Variants in TRPM7 observed in about 807,000 individuals in gnomAD.
TRPM7 encodes transient receptor potential cation channel subfamily M member 7, also known as LTRPC ion channel family member 7.
A neutral mutation model predicts 229.7 loss-of-function variants in TRPM7; 134 were observed. The ratio of observed to expected loss-of-function variants is 0.58; its 90% CI spans 0.51 to 0.67. The LOEUF (loss-of-function observed/expected upper bound fraction) is 0.67, where lower values mean the gene tolerates loss of function less well. Among genes scored for constraint, TRPM7 ranks in the 30% least tolerant of loss-of-function variants. The pLI is 0.00. For missense variants in TRPM7, 1,901 were observed against 2,210.0 expected (o/e 0.86, Z 2.80); for synonymous variants, 699 against 715.2 (o/e 0.98, Z 0.36).
intron 1 of TRPM7, among the ~76,000 whole-genome samples, chr15:50,670,921 C>T (rs2061974741): frequency 6.6e-6 from 1 of 151,804 alleles, no homozygotes; most frequent in South Asian, 2.1e-4. Flanking sequence ...TGCCTGTAAT[C>T]TTAGCAGTCT....
At chr15:50,666,273 C>G (rs923302254) in intron 1 of TRPM7, among the ~76,000 whole-genome samples, 6 of 150,436 alleles carry the variant, frequency 4.0e-5, no homozygotes, top group Admixed American at 6.6e-5. Flanking sequence ...CCCATCTCTA[C>G]GAAAAATACA....
intron 20 of TRPM7, among the ~76,000 whole-genome samples, chr15:50,605,526 A>C (rs553378931): frequency 6.6e-6 from 1 of 152,360 alleles, no homozygotes; most frequent in Non-Finnish European, 1.5e-5. Context: ...CAATGGTTTA[A>C]GTAGCTGTAT....
At chr15:50,587,267 G>C (rs180836985) in intron 27 of TRPM7, among the ~76,000 whole-genome samples, 1 of 151,884 alleles carries the variant, frequency 6.6e-6, no homozygotes, top group Non-Finnish European at 1.5e-5. Context: ...TCACTATTTT[G>C]TCAGATTTCA....
intron 8 of TRPM7, among the ~76,000 whole-genome samples, chr15:50,633,555 T>A (rs375412688): frequency 9.8e-5 from 15 of 152,288 alleles, no homozygotes; most frequent in East Asian, 7.7e-4. Context: ...CTCCTTTTAT[T>A]CTATATAAAA....
Position 50,614,664 on chromosome 15 carries a change from CAA to C in TRPM7, c.1495-403_1495-402del, listed in dbSNP as rs59336476. 1.6e-3 allele frequency among the ~76,000 whole-genome samples: 148 copies of C among 92,642 alleles called. 2 individuals carry two copies. The highest frequency in any genetic ancestry group is 6.5e-3 in the African/African-American group (135 of 20,722). The allele number at this position is 92,642 out of a possible 152,430, so 60.8% of individuals were successfully genotyped here. ...TGGGAGACAGAGCAAGACTTGGTCTCAAAAAAAAAAAAAAAAAAAAAAAAAAG... is the reference window on the plus strand; with the variant it reads ...TGGGAGACAGAGCAAGACTTGGTCTCAAAAAAAAAAAAAAAAAAAAAAAAG... On this transcript the variant is annotated intron_variant, in intron 13 of 38. Transcript: ENST00000646667.
At chr15:50,629,474 A>C (rs1265380489) in intron 10 of TRPM7, among the ~76,000 whole-genome samples, 1 of 149,244 alleles carries the variant, frequency 6.7e-6, no homozygotes, top group Non-Finnish European at 1.5e-5. Flanking sequence ...GGTTTTGCCA[A>C]ATTGCCCAGA....
In TRPM7 at chr15:50,679,094, GATCTC is replaced by G. The variant is rs1567128512; in HGVS notation, c.3+7432_3+7436del. ...TCACCATGTTGGCCAGGATGGTCTCGATCTCTTGACCTGGTGATCCACCCGCCTCA... is the reference window on the plus strand; with the variant it reads ...TCACCATGTTGGCCAGGATGGTCTCGTTGACCTGGTGATCCACCCGCCTCA... On this transcript the variant is annotated intron_variant, in intron 1 of 38. Coordinates refer to ENST00000646667, the MANE Select transcript of TRPM7 (RefSeq NM_017672.6). Among the ~76,000 whole-genome samples the G allele has an allele frequency of 2.1e-4, 28 of 136,356 alleles. 4 individuals carry two copies. The highest frequency in any genetic ancestry group is 7.4e-4 in the African/African-American group (25 of 33,920). The allele number at this position is 136,356 out of a possible 152,430, so 89.5% of individuals were successfully genotyped here. A position where few individuals can be genotyped will look rare whatever the true frequency, so the allele number is the denominator to read the frequency against.
chr15:50,582,567 G>A (rs2054473321), intron 29 of TRPM7: 1 of 152,278 alleles, frequency 6.6e-6, no homozygotes. Context: ...ATTTGTTACT[G>A]TGAATCTCTT....
intron 27 of TRPM7, among the ~76,000 whole-genome samples, chr15:50,586,908 C>A (rs1188614049): frequency 2.0e-5 from 3 of 152,050 alleles, no homozygotes; most frequent in Non-Finnish European, 4.4e-5. Context: ...CCCAGCTACT[C>A]AGGAGGCTGA....
chr15:50,678,885 T>A (rs564054983), intron 1 of TRPM7, among the ~76,000 whole-genome samples: 142 of 151,636 alleles, frequency 9.4e-4, no homozygotes, highest in African/African-American at 3.0e-3. Context: ...AAAAAAAAAA[T>A]TTTTTTGAGA....
intron 1 of TRPM7, among the ~76,000 whole-genome samples, chr15:50,663,988 G>GA (rs562309709): frequency 6.6e-6 from 1 of 151,716 alleles, no homozygotes; most frequent in South Asian, 2.1e-4. Context: ...AAAAAAACCT[G>GA]AAAAAAAGAC....
intron 1 of TRPM7, among the ~76,000 whole-genome samples, chr15:50,668,995 G>C (rs926407648): frequency 6.6e-6 from 1 of 152,150 alleles, no homozygotes; most frequent in East Asian, 1.9e-4. Flanking sequence ...TGTCTACGCA[G>C]TCCCTGTACA....
In TRPM7 at chr15:50,682,882, T is replaced by G. The variant is rs369588529; in HGVS notation, c.3+3649A>C. ...TAAACTAACCTCAACCACTGAATTT[T>G]GCTTCCCGGTACCAAACTTTTTTTT... is the stretch of plus-strand genomic sequence containing the variant. On this transcript the variant is annotated intron_variant, in intron 1 of 38. Coordinates refer to ENST00000646667, the MANE Select transcript of TRPM7 (RefSeq NM_017672.6). 1.1e-4 allele frequency among the ~76,000 whole-genome samples: 16 copies of G among 151,564 alleles called. No homozygotes were observed. The East Asian group carries it at 1.8e-3, about 17-fold the overall frequency.
chr15:50,653,021 T>C (rs979999799), intron 3 of TRPM7, among the ~76,000 whole-genome samples: 10 of 152,104 alleles, frequency 6.6e-5, no homozygotes, highest in African/African-American at 2.4e-4. Context: ...CATGGTGGCA[T>C]GCACCTGTGG....
Position 50,591,968 on chromosome 15 carries a change from C to G in TRPM7, c.4267G>C (p.Glu1423Gln). ...SHLETGTKDQETVCSKATEGD... is the reference protein window; with the variant it reads ...SHLETGTKDQQTVCSKATEGD... ...TCTGTAGCTTTAGAGCAAACAGTTTCTTGATCTTTGGTTCCAGTTTCCAAG... is the reference window on the plus strand; with the variant it reads ...TCTGTAGCTTTAGAGCAAACAGTTTGTTGATCTTTGGTTCCAGTTTCCAAG... Residue 1423 changes from glutamate to glutamine, a missense_variant, in exon 26 of 39, where the codon GAA (glutamate) becomes CAA (glutamine). By Grantham distance (29) the Glu-to-Gln change is conservative. This residue lies in a region of TRPM7 where 533 missense variants were observed against 497.1 expected (regional missense o/e 1.07). Coordinates refer to ENST00000646667, the MANE Select transcript of TRPM7 (RefSeq NM_017672.6). The G allele has an allele frequency of 1.2e-6, 2 of 1,604,904 alleles. No individual in the cohort carries two copies. The highest frequency in any genetic ancestry group is 1.7e-6 in the Non-Finnish European group (2 of 1,177,672).
intron 2 of TRPM7, among the ~76,000 whole-genome samples, chr15:50,659,445 T>A (rs182789360): frequency 6.0e-4 from 91 of 152,308 alleles, no homozygotes; most frequent in African/African-American, 2.1e-3. Flanking sequence ...CCTTTTAAGT[T>A]ATGAACCAAG....
chr15:50,644,267 T>C (rs2061193815), intron 4 of TRPM7, among the ~76,000 whole-genome samples: 1 of 152,184 alleles, frequency 6.6e-6, no homozygotes, highest in Non-Finnish European at 1.5e-5. Flanking sequence ...TTCTTCTGGT[T>C]TGAAAGATTT....
intron 1 of TRPM7, among the ~76,000 whole-genome samples, chr15:50,679,517 T>C: frequency 2.7e-5 from 1 of 36,488 alleles, no homozygotes; most frequent in South Asian, 1.1e-3. Flanking sequence ...ATATAATATA[T>C]ATATATATAT....
chr15:50,649,517 C>G (rs910285274), intron 3 of TRPM7, among the ~76,000 whole-genome samples: 4 of 151,352 alleles, frequency 2.6e-5, no homozygotes, highest in African/African-American at 9.7e-5. Flanking sequence ...AATAATACTA[C>G]AGAATGGATA....
Sources: gnomAD v4.1 joint callset for allele counts (sites outside exome capture counted in the v4.1 genomes callset) on GRCh38, gnomAD v4.1.1 for gene constraint, gnomAD v4.1.1 regional missense constraint, MANE v1.5 for transcripts, NCBI Gene and HGNC (gene_info 2026-07-23, HGNC 2026-07-21) for gene names.